Variants in AGPS observed in about 807,000 individuals in gnomAD.
The protein encoded by AGPS is alkyldihydroxyacetonephosphate synthase, peroxisomal.
Under a neutral mutation model 90.7 loss-of-function variants are expected in AGPS, and 26 were observed. That is an observed-to-expected ratio of 0.29 (90% CI 0.21 to 0.40). The LOEUF is 0.40. AGPS is among the 10% of genes least tolerant of loss of function. The pLI, the probability that AGPS is intolerant of heterozygous loss-of-function variation, is 1.00. For synonymous variants in AGPS, 294 were observed against 285.3 expected, an observed-to-expected ratio of 1.03 and a Z score of -0.31; for missense variants, 540 against 816.1, an observed-to-expected ratio of 0.66 and a Z score of 4.12.
intron 11 of AGPS, among the ~76,000 whole-genome samples, chr2:177,485,865 C>T (rs988388049): frequency 3.9e-5 from 6 of 152,184 alleles, no homozygotes; most frequent in South Asian, 2.1e-4. Context: ...TGCTGTGAGT[C>T]GTGATCGTGC....
intron 1 of AGPS, among the ~76,000 whole-genome samples, chr2:177,410,972 G>A (rs1009993244): frequency 1.3e-5 from 2 of 152,110 alleles, no homozygotes; most frequent in Non-Finnish European, 2.9e-5. Context: ...TGTCCTTGTA[G>A]GCCGCACTGG....
intron 19 of AGPS, among the ~76,000 whole-genome samples, chr2:177,535,996 G>A (rs2079180729): frequency 6.6e-6 from 1 of 151,902 alleles, no homozygotes; most frequent in Non-Finnish European, 1.5e-5. Context: ...CAAGATAGAT[G>A]TGTAAATTAT....
At chr2:177,466,795 G>T (rs1362637508) in intron 9 of AGPS, among the ~76,000 whole-genome samples, 1 of 152,162 alleles carries the variant, frequency 6.6e-6, no homozygotes, top group South Asian at 2.1e-4. Flanking sequence ...AGACACTTCC[G>T]AGCCTGCAGG....
chr2:177,528,124 A>G (rs888040283), intron 19 of AGPS, among the ~76,000 whole-genome samples: 9 of 152,034 alleles, frequency 5.9e-5, no homozygotes, highest in Admixed American at 1.3e-4. Flanking sequence ...TTATTTGATG[A>G]TTATCTCAAG....
intron 8 of AGPS, among the ~76,000 whole-genome samples, chr2:177,460,905 G>T (rs1486016424): frequency 1.3e-5 from 2 of 152,214 alleles, no homozygotes; most frequent in Non-Finnish European, 2.9e-5. Flanking sequence ...AATAGATAGA[G>T]AATTTGTATT....
At chr2:177,465,566 T>G (rs568486514) in intron 9 of AGPS, among the ~76,000 whole-genome samples, 179 of 152,024 alleles carry the variant, frequency 1.2e-3, no homozygotes, top group Non-Finnish European at 2.3e-3. Context: ...TGTGAATGAG[T>G]GAGTGTGGAG....
intron 2 of AGPS, among the ~76,000 whole-genome samples, chr2:177,431,715 G>A (rs1226285147): frequency 6.6e-6 from 1 of 152,036 alleles, no homozygotes; most frequent in Non-Finnish European, 1.5e-5. Flanking sequence ...GAAAAATATG[G>A]CTCTATTGTG....
chr2:177,509,394 C>T (rs565483549), intron 16 of AGPS, among the ~76,000 whole-genome samples: 5 of 152,140 alleles, frequency 3.3e-5, no homozygotes, highest in Admixed American at 6.5e-5. Context: ...CGGCTGGGCG[C>T]GGTGGCTCAC....
At chr2:177,485,367 G>C (rs1326383022) in intron 11 of AGPS, among the ~76,000 whole-genome samples, 1 of 152,100 alleles carries the variant, frequency 6.6e-6, no homozygotes, top group African/African-American at 2.4e-5. Context: ...AAAATACTAA[G>C]TTTATAATTT....
At chr2:177,476,268 G>C (rs1261918433) in intron 10 of AGPS, among the ~76,000 whole-genome samples, 1 of 151,406 alleles carries the variant, frequency 6.6e-6, no homozygotes, top group Middle Eastern at 3.2e-3. Flanking sequence ...TAGAAGGTTA[G>C]GCTATTTGAG....
rs141665656 is a variant in AGPS at position 177,491,943 on chromosome 2, G to A, written c.1234-1205G>A. Among the ~76,000 whole-genome samples, 949 of 151,716 alleles carry A rather than the reference G, an allele frequency of 6.3e-3. 9 individuals are homozygous for A. The highest frequency in any genetic ancestry group is 0.022 in the African/African-American group (895 of 41,360). ...TGGGATTATAGGTGTATACCACCACGCCCAGTTAATTTTTGTGTTTTTAGT... is the reference window on the plus strand; with the variant it reads ...TGGGATTATAGGTGTATACCACCACACCCAGTTAATTTTTGTGTTTTTAGT... On this transcript the variant is annotated intron_variant, in intron 11 of 19. Coordinates refer to ENST00000264167, the MANE Select transcript of AGPS (RefSeq NM_003659.4).
chr2:177,428,525 A>C (rs1686145653), intron 2 of AGPS, among the ~76,000 whole-genome samples: 1 of 152,122 alleles, frequency 6.6e-6, no homozygotes, highest in South Asian at 2.1e-4. Context: ...GGTGGTGATG[A>C]ATTCCCTCAG....
At chr2:177,453,709 T>TTTG (rs1168807180) in intron 8 of AGPS, among the ~76,000 whole-genome samples, 1 of 144,198 alleles carries the variant, frequency 6.9e-6, no homozygotes, top group Non-Finnish European at 1.5e-5. Context: ...TTTTTTTTTT[T>TTTG]TTTGGAGACA....
chr2:177,393,704 G>C (rs1186659922), intron 1 of AGPS, among the ~76,000 whole-genome samples: 1 of 152,014 alleles, frequency 6.6e-6, no homozygotes, highest in East Asian at 1.9e-4. Flanking sequence ...AACCGATGAG[G>C]GATGTTTGTA....
At chr2:177,501,647 A>AT (rs1688563568) in intron 14 of AGPS, among the ~76,000 whole-genome samples, 1 of 151,796 alleles carries the variant, frequency 6.6e-6, no homozygotes, top group East Asian at 1.9e-4. Flanking sequence ...TTTTGTCAGG[A>AT]TTTTTTTGTT....
At chr2:177,518,883 C>T (rs935081742) in intron 17 of AGPS, among the ~76,000 whole-genome samples, 3 of 151,956 alleles carry the variant, frequency 2.0e-5, no homozygotes, top group African/African-American at 7.3e-5. Context: ...AATGGGCGCA[C>T]ATACTTAGGA....
At position 177,442,408 on chromosome 2, in the gene AGPS, A is replaced by G. The variant is rs2105638507; in HGVS notation, c.711A>G (p.Gly237=). Residue 237 remains glycine (G), a splice_region_variant and synonymous_variant, in exon 7 of 20, where the codon GGA becomes GGG. Coordinates refer to ENST00000264167, the MANE Select transcript of AGPS (RefSeq NM_003659.4). ...KYNLCIIPIG[G]GTSVSYGLMC... ...AGTTGTTGTTTCCTATTTTGGCAGG[A>G]GGAACAAGTGTTTCATATGGCCTGA... is the stretch of plus-strand genomic sequence containing the variant. The G allele has an allele frequency of 1.2e-6, 2 of 1,612,828 alleles. No individual in the cohort carries two copies. The highest frequency in any genetic ancestry group is 1.7e-6 in the Non-Finnish European group (2 of 1,178,790).
At chr2:177,497,582 A>G in intron 12 of AGPS, 107 bp from the exon 13 acceptor site, 2 of 476,678 alleles carry the variant, frequency 4.2e-6, no homozygotes, top group Non-Finnish European at 7.4e-6. Context: ...TAAAAATTAA[A>G]GTTGTGAAAA....
At chr2:177,503,563 C>T (rs977870240) in intron 14 of AGPS, among the ~76,000 whole-genome samples, 5 of 152,024 alleles carry the variant, frequency 3.3e-5, no homozygotes, top group African/African-American at 1.2e-4. Flanking sequence ...AGTAGGGGAT[C>T]GATGTTGCTA....
Sources: allele counts gnomAD v4.1 joint callset (sites outside exome capture counted in the v4.1 genomes callset), GRCh38; gene constraint gnomAD v4.1.1; transcripts MANE v1.5; gene names NCBI Gene and HGNC (gene_info 2026-07-23, HGNC 2026-07-21).